TAOK3: variants seen among roughly 807,000 people sequenced by gnomAD.
The protein encoded by TAOK3 is serine/threonine-protein kinase TAO3.
A neutral mutation model predicts 120.4 loss-of-function variants in TAOK3; 40 were observed. The observed-to-expected ratio is 0.33, with a 90% CI of 0.26 to 0.43. The LOEUF (loss-of-function observed/expected upper bound fraction) is 0.43. TAOK3 is among the 20% of genes least tolerant of loss of function. The pLI, the probability that TAOK3 is intolerant of heterozygous loss-of-function variation, is 1.00. For synonymous variants in TAOK3, 355 were observed against 387.5 expected, an observed-to-expected ratio of 0.92 and a Z score of 0.99; for missense variants, 821 against 1,112.1, an observed-to-expected ratio of 0.74 and a Z score of 3.72.
intron 1 of TAOK3, among the ~76,000 whole-genome samples, chr12:118,367,868 T>G (rs2045783559): frequency 6.6e-6 from 1 of 152,088 alleles, no homozygotes; most frequent in Non-Finnish European, 1.5e-5. Context: ...CTCTAATTTT[T>G]AAAAAAGTAC....
At chr12:118,292,774 C>A (rs2042533476) in intron 1 of TAOK3, among the ~76,000 whole-genome samples, 1 of 152,184 alleles carries the variant, frequency 6.6e-6, no homozygotes, top group Non-Finnish European at 1.5e-5. Context: ...ACTTTCTTTT[C>A]ATTTTGTGCT....
At chr12:118,223,072 T>C (rs1001261710) in intron 9 of TAOK3, among the ~76,000 whole-genome samples, 2 of 109,744 alleles carry the variant, frequency 1.8e-5, no homozygotes, top group African/African-American at 3.3e-5. Context: ...CTTTTTTTTT[T>C]TTTTTTTTTT....
At chr12:118,245,091 G>A (rs1214338796) in intron 3 of TAOK3, 126 bp from the exon 4 acceptor site, 1 of 563,852 alleles carries the variant, frequency 1.8e-6, no homozygotes, top group Non-Finnish European at 2.9e-6. Context: ...CTGTCGCTCA[G>A]GCTGGAGTGC....
intron 5 of TAOK3, among the ~76,000 whole-genome samples, chr12:118,240,968 A>G (rs1333616474): frequency 1.3e-5 from 2 of 149,858 alleles, no homozygotes; most frequent in African/African-American, 4.9e-5. Context: ...ATACTTTTAT[A>G]GTTATATATT....
At chr12:118,318,311 C>T (rs1313612121) in intron 1 of TAOK3, among the ~76,000 whole-genome samples, 2 of 152,018 alleles carry the variant, frequency 1.3e-5, no homozygotes, top group African/African-American at 2.4e-5. Flanking sequence ...GAACGCACCA[C>T]CACGCCCAGC....
chr12:118,281,170 A>G (rs1425957933), intron 1 of TAOK3, among the ~76,000 whole-genome samples: 3 of 152,114 alleles, frequency 2.0e-5, no homozygotes, highest in African/African-American at 7.2e-5. Flanking sequence ...CTTTCTTCCT[A>G]TTTGGATACC....
At chr12:118,248,501 A>C (rs763776896) in intron 3 of TAOK3, among the ~76,000 whole-genome samples, 4 of 152,162 alleles carry the variant, frequency 2.6e-5, no homozygotes, top group Non-Finnish European at 1.5e-5. Flanking sequence ...GGTTAAAGGG[A>C]CTATATCTGA....
intron 17 of TAOK3, among the ~76,000 whole-genome samples, chr12:118,170,341 C>T (rs1420187891): frequency 6.6e-6 from 1 of 152,164 alleles, no homozygotes; most frequent in African/African-American, 2.4e-5. Context: ...AACAGGAACC[C>T]ACTTTCACCC....
chr12:118,209,489 T>C (rs1213865814), intron 11 of TAOK3, among the ~76,000 whole-genome samples: 1 of 151,536 alleles, frequency 6.6e-6, no homozygotes, highest in Non-Finnish European at 1.5e-5. Flanking sequence ...TGCAACCTCC[T>C]AGTTGATCAA....
chr12:118,317,738 G>A (rs1180453209), intron 1 of TAOK3, among the ~76,000 whole-genome samples: 6 of 151,990 alleles, frequency 3.9e-5, no homozygotes, highest in African/African-American at 1.5e-4. Context: ...ATGGTGTTTT[G>A]TACAGAAATG....
At chr12:118,334,894 AAAG>A (rs2044299547) in intron 1 of TAOK3, among the ~76,000 whole-genome samples, 1 of 149,356 alleles carries the variant, frequency 6.7e-6, no homozygotes, top group African/African-American at 2.5e-5. Context: ...AAAAAAAAAA[AAAG>A]GCCGGGCTTA....
At chr12:118,322,312 C>CAA (rs372010412) in intron 1 of TAOK3, among the ~76,000 whole-genome samples, 1,569 of 65,150 alleles carry the variant, frequency 0.024, 23 homozygotes, top group African/African-American at 0.029. Context: ...GAGACTGTCT[C>CAA]AAAAAAAAAA....
At chr12:118,215,619 G>A (rs938806132) in intron 9 of TAOK3, among the ~76,000 whole-genome samples, 18 of 152,122 alleles carry the variant, frequency 1.2e-4, no homozygotes, top group African/African-American at 4.1e-4. Flanking sequence ...AATTGCTAGG[G>A]GTGACAGTAG....
At chr12:118,319,782 A>C (rs1157489716) in intron 1 of TAOK3, among the ~76,000 whole-genome samples, 4 of 152,218 alleles carry the variant, frequency 2.6e-5, no homozygotes, top group Admixed American at 2.6e-4. Flanking sequence ...TATGGAAAAC[A>C]GTTGAACAGC....
At chr12:118,262,033 G>C (rs888889133) in intron 2 of TAOK3, among the ~76,000 whole-genome samples, 6 of 152,048 alleles carry the variant, frequency 3.9e-5, no homozygotes, top group Admixed American at 6.6e-5. Flanking sequence ...ACTAATTTTT[G>C]TATTTTCAGT....
chr12:118,292,858 G>A (rs1331021914), intron 1 of TAOK3, among the ~76,000 whole-genome samples: 4 of 152,212 alleles, frequency 2.6e-5, no homozygotes, highest in Non-Finnish European at 1.5e-5. Flanking sequence ...GACAAGGGAA[G>A]CCTAAGTATT....
intron 1 of TAOK3, among the ~76,000 whole-genome samples, chr12:118,270,377 TCAGATAATATCA>T (rs1328151196): frequency 6.6e-6 from 1 of 152,160 alleles, no homozygotes; most frequent in Non-Finnish European, 1.5e-5. Context: ...AAAGCATGGT[TCAGATAATATCA>T]CAGCTCTGCT....
chr12:118,173,214 C>A (rs2036112535), intron 16 of TAOK3, among the ~76,000 whole-genome samples: 1 of 152,058 alleles, frequency 6.6e-6, no homozygotes, highest in African/African-American at 2.4e-5. Flanking sequence ...GTGCAAAACC[C>A]TAGGGGTTGG....
intron 1 of TAOK3, among the ~76,000 whole-genome samples, chr12:118,298,710 A>G (rs539481199): frequency 1.3e-5 from 2 of 152,242 alleles, no homozygotes; most frequent in South Asian, 2.1e-4. Flanking sequence ...GAAACATGCA[A>G]TGTTTCTAAA....
Sources: allele counts gnomAD v4.1 joint callset (sites outside exome capture counted in the v4.1 genomes callset), GRCh38; gene constraint gnomAD v4.1.1; transcripts MANE v1.5; gene names NCBI Gene and HGNC (gene_info 2026-07-23, HGNC 2026-07-21).